Variants in MLLT11 observed in about 807,000 individuals in gnomAD.
MLLT11 encodes protein AF1q.
MLLT11 carries 1 observed loss-of-function variant against 5.3 expected under a neutral mutation model. That is an observed-to-expected ratio of 0.19 (90% confidence interval 0.07 to 0.89). The LOEUF (loss-of-function observed/expected upper bound fraction) is 0.89, where lower values mean the gene tolerates loss of function less well. Among genes scored for constraint, MLLT11 ranks in the 40% least tolerant of loss-of-function variants. The pLI, the probability that MLLT11 is intolerant of heterozygous loss-of-function variation, is 0.67. For synonymous variants in MLLT11, 38 were observed against 41.7 expected (o/e 0.91, Z 0.34); for missense variants, 87 against 107.3 (o/e 0.81, Z 0.83).
In MLLT11 at chr1:151,069,176, G is replaced by C. The variant is rs1571859843; in HGVS notation, c.*1679G>C. Among the ~76,000 whole-genome samples the C allele has an allele frequency of 1.3e-5, 2 of 152,144 alleles. No homozygotes were observed. The highest frequency in any genetic ancestry group is 4.8e-5 in the African/African-American group (2 of 41,416). The stretch of plus-strand genomic sequence containing the variant: ...TGTGTGCCTGCTATAGGAAAGCACT[G>C]AGCCAAACAGAATGTAAACGGGAAT... On this transcript the variant is annotated 3_prime_UTR_variant, in exon 2 of 2. Coordinates refer to ENST00000368921, the MANE Select transcript of MLLT11 (RefSeq NM_006818.4).
chr1:151,063,859 G>T (rs1156394214), intron 1 of MLLT11, among the ~76,000 whole-genome samples: 1 of 152,186 alleles, frequency 6.6e-6, no homozygotes, highest in Non-Finnish European at 1.5e-5. Flanking sequence ...ACGCATGGAA[G>T]AGTATCTGAT....
intron 1 of MLLT11, among the ~76,000 whole-genome samples, chr1:151,063,184 C>T (rs1384142612): frequency 6.6e-6 from 1 of 152,210 alleles, no homozygotes; most frequent in East Asian, 1.9e-4. Context: ...TCTCACACAT[C>T]ACTGTGTTCT....
chr1:151,063,650 C>A (rs1032081670), intron 1 of MLLT11, among the ~76,000 whole-genome samples: 1 of 152,192 alleles, frequency 6.6e-6, no homozygotes, highest in African/African-American at 2.4e-5. Context: ...TGGTCTCGAT[C>A]TCCTGACCTC....
At position 151,068,345 on chromosome 1, in the gene MLLT11, G is replaced by T. The variant is rs1195823017; in HGVS notation, c.*848G>T. The stretch of plus-strand genomic sequence containing the variant: ...TCCTGCATTTGCAATACGTAATACT[G>T]ATCAGTGGGCACAGTTCTTCAGCTA... On this transcript the variant is annotated 3_prime_UTR_variant, in exon 2 of 2. Coordinates refer to ENST00000368921, the MANE Select transcript of MLLT11 (RefSeq NM_006818.4). 1 of 226,230 alleles carries T rather than the reference G, an allele frequency of 4.4e-6. No homozygotes were observed. Among genetic ancestry groups the T allele is most frequent in the East Asian group, 7.1e-5 (1 of 14,082 alleles). The allele number at this position is 226,230 out of a possible 1,614,324, so 14.0% of individuals were successfully genotyped here. A position where few individuals can be genotyped will look rare whatever the true frequency, so the allele number is the denominator to read the frequency against.
At position 151,067,454 on chromosome 1, in the gene MLLT11, C is replaced by T; in HGVS notation, c.230C>T (p.Ala77Val). Reference protein sequence around the residue: ...LEYSTFNFWRAPIASIHSFEL... With the variant: ...LEYSTFNFWRVPIASIHSFEL... ...TACAGCACCTTCAACTTCTGGAGAG[C>T]TCCCATTGCCAGCATCCACTCCTTC... The change falls in exon 2 of 2, where the codon GCT becomes GTT. Residue 77 changes from alanine (A) to valine (V), a missense_variant. By Grantham distance (64) the Ala-to-Val change is moderately conservative (BLOSUM62 0). Transcript: ENST00000368921. 2 of 1,614,088 alleles carry T rather than the reference C, an allele frequency of 1.2e-6. No individual in the cohort carries two copies. The highest frequency in any genetic ancestry group is 8.5e-7 in the Non-Finnish European group (1 of 1,180,012).
rs1274478144 is a variant in MLLT11 at position 151,069,086 on chromosome 1, C to A, written c.*1589C>A. 6.6e-6 allele frequency among the ~76,000 whole-genome samples: 1 copy of A among 152,122 alleles called. No homozygotes were observed. The highest frequency in any genetic ancestry group is 2.4e-5 in the African/African-American group (1 of 41,400). Reference sequence around the variant, plus strand: ...CAACATTATATTTCAGGTAATAATTCTCCTAGGTGCCTAAGAAGATAAACG... The same window carrying A: ...CAACATTATATTTCAGGTAATAATTATCCTAGGTGCCTAAGAAGATAAACG... On this transcript the variant is annotated 3_prime_UTR_variant, in exon 2 of 2. Transcript: ENST00000368921.
chr1:151,068,773 C>A lies in MLLT11; in HGVS notation c.*1276C>A, dbSNP rs587723449. Among the ~76,000 whole-genome samples, 1 of 152,036 alleles carries A rather than the reference C, an allele frequency of 6.6e-6. No individual in the cohort carries two copies. The highest frequency in any genetic ancestry group is 1.5e-5 in the Non-Finnish European group (1 of 68,022). The stretch of plus-strand genomic sequence containing the variant: ...TTAATTTTTGTATTTTTCATAGAGA[C>A]GGGGTTTCACCATGTTGGCCAGGCT... On this transcript the variant is annotated 3_prime_UTR_variant, in exon 2 of 2. Transcript: ENST00000368921.
At chr1:151,066,947 AG>A (rs1195789534) in intron 1 of MLLT11, among the ~76,000 whole-genome samples, 14 of 146,136 alleles carry the variant, frequency 9.6e-5, no homozygotes, top group Non-Finnish European at 1.8e-4. Context: ...AAAAAAAAAA[AG>A]TAGAAATTCA....
intron 1 of MLLT11, among the ~76,000 whole-genome samples, chr1:151,063,989 G>A (rs1380443381): frequency 3.3e-5 from 5 of 151,276 alleles, no homozygotes; most frequent in Non-Finnish European, 7.4e-5. Flanking sequence ...AGAGATCCCT[G>A]TTACAGCATA....
rs911176858 is a variant in MLLT11 at position 151,069,498 on chromosome 1, G to C, written c.*2001G>C. Among the ~76,000 whole-genome samples the C allele has an allele frequency of 6.6e-6, 1 of 152,160 alleles. No individual in the cohort carries two copies. Among genetic ancestry groups the C allele is most frequent in the Admixed American group, 6.5e-5 (1 of 15,276 alleles). On this transcript the variant is annotated 3_prime_UTR_variant, in exon 2 of 2. Coordinates refer to ENST00000368921, the MANE Select transcript of MLLT11 (RefSeq NM_006818.4). ...AGTCCTTCAGCCATGGCAATTGGTG[G>C]GTGGAGACAGGGATCAACTGTTTGG...
chr1:151,063,985 C>A (rs1676442137), intron 1 of MLLT11, among the ~76,000 whole-genome samples: 2 of 151,802 alleles, frequency 1.3e-5, no homozygotes, highest in Admixed American at 1.3e-4. Context: ...GAAAAGAGAT[C>A]CCTGTTACAG....
intron 1 of MLLT11, among the ~76,000 whole-genome samples, chr1:151,065,044 G>C (rs587750652): frequency 6.6e-6 from 1 of 152,006 alleles, no homozygotes; most frequent in Non-Finnish European, 1.5e-5. Flanking sequence ...GAGGGGAAGG[G>C]GAAGCTAGCC....
rs750790231 is a variant in MLLT11 at position 151,067,324 on chromosome 1, G to A, written c.100G>A (p.Asp34Asn). 6.2e-7 allele frequency: 1 copy of A among 1,614,138 alleles called. No homozygotes were observed. Among genetic ancestry groups the A allele is most frequent in the Non-Finnish European group, 8.5e-7 (1 of 1,180,034 alleles). Residue 34 changes from aspartate to asparagine, a missense_variant, in exon 2 of 2, where the codon GAT becomes AAT. Asp to Asn is a conservative substitution (Grantham distance 23). Transcript: ENST00000368921. ...LSELEGLGLS[D>N]TATYKVKDSS... ...GGAGCTGGAAGGCCTGGGTCTGTCA[G>A]ATACAGCCACCTACAAGGTCAAAGA... is the stretch of plus-strand genomic sequence containing the variant.
At chr1:151,065,816 G>A (rs1476112368) in intron 1 of MLLT11, among the ~76,000 whole-genome samples, 2 of 152,098 alleles carry the variant, frequency 1.3e-5, no homozygotes, top group Non-Finnish European at 2.9e-5. Context: ...TTCCTCTATA[G>A]ACTTGGAGTT....
rs1209055426 is a variant in MLLT11 at position 151,067,950 on chromosome 1, A to T, written c.*453A>T. The stretch of plus-strand genomic sequence containing the variant: ...ACCTCGGAAGTTTTAATTTGAGGTT[A>T]TCTGCTACGAAACAGTATTTCTAAA... On this transcript the variant is annotated 3_prime_UTR_variant, in exon 2 of 2. Coordinates refer to ENST00000368921, the MANE Select transcript of MLLT11 (RefSeq NM_006818.4). The T allele has an allele frequency of 2.0e-5, 5 of 251,350 alleles. No homozygotes were observed. The highest frequency in any genetic ancestry group is 3.3e-5 in the Non-Finnish European group (4 of 120,270). The allele number at this position is 251,350 out of a possible 1,614,324, so 15.6% of individuals were successfully genotyped here. A position where few individuals can be genotyped will look rare whatever the true frequency, so the allele number is the denominator to read the frequency against.
chr1:151,065,224 G>A (rs1558111830), intron 1 of MLLT11, among the ~76,000 whole-genome samples: 1 of 152,118 alleles, frequency 6.6e-6, no homozygotes, highest in African/African-American at 2.4e-5. Context: ...ATGCTTGCAT[G>A]CATGTGTTTC....
chr1:151,068,387 T>C lies in MLLT11; in HGVS notation c.*890T>C, dbSNP rs1399831659. 2 of 224,420 alleles carry C rather than the reference T, an allele frequency of 8.9e-6. No individual in the cohort carries two copies. Among genetic ancestry groups the C allele is most frequent in the Non-Finnish European group, 1.9e-5 (2 of 103,066 alleles). The allele number at this position is 224,420 out of a possible 1,614,324, so 13.9% of individuals were successfully genotyped here. A position where few individuals can be genotyped will look rare whatever the true frequency, so the allele number is the denominator to read the frequency against. On this transcript the variant is annotated 3_prime_UTR_variant, in exon 2 of 2. Coordinates refer to ENST00000368921, the MANE Select transcript of MLLT11 (RefSeq NM_006818.4). The stretch of plus-strand genomic sequence containing the variant: ...CTTCAGCTACATTGAGACCCTGAAA[T>C]GAACAATTATATTCTGACTCGACAT...
In MLLT11 at chr1:151,068,056, G is replaced by C. The variant is rs1468220001; in HGVS notation, c.*559G>C. 4.1e-6 allele frequency: 1 copy of C among 241,358 alleles called. No homozygotes were observed. Among genetic ancestry groups the C allele is most frequent in the African/African-American group, 2.2e-5 (1 of 44,970 alleles). 15.0% of individuals were successfully genotyped at this position (241,358 alleles called of 1,614,324 possible). A position where few individuals can be genotyped will look rare whatever the true frequency, so the allele number is the denominator to read the frequency against. On this transcript the variant is annotated 3_prime_UTR_variant, in exon 2 of 2. Transcript: ENST00000368921. Reference sequence around the variant, plus strand: ...TTTCCTCAGAGAAATCAGGAGGGTAGTTAGAGGTATAAAACAGGAGGAAAT... The same window carrying C: ...TTTCCTCAGAGAAATCAGGAGGGTACTTAGAGGTATAAAACAGGAGGAAAT...
At chr1:151,062,761 A>G (rs587704073) in intron 1 of MLLT11, among the ~76,000 whole-genome samples, 54 of 152,316 alleles carry the variant, frequency 3.5e-4, no homozygotes, top group African/African-American at 1.2e-3. Flanking sequence ...GAACCCAGCT[A>G]GCTGTGAAAA....
Sources: allele counts gnomAD v4.1 joint callset (sites outside exome capture counted in the v4.1 genomes callset), GRCh38; gene constraint gnomAD v4.1.1; transcripts MANE v1.5; gene names NCBI Gene and HGNC (gene_info 2026-07-23, HGNC 2026-07-21).